Variants in SLC4A7 observed in about 807,000 individuals in gnomAD.
The protein encoded by SLC4A7 is solute carrier family 4 member 7.
In SLC4A7, 51 loss-of-function variants were observed where a neutral mutation model predicts 137.6. The observed-to-expected ratio is 0.37, with a 90% CI of 0.30 to 0.47. SLC4A7 has a LOEUF of 0.47. SLC4A7 is among the 20% of genes least tolerant of loss of function. The pLI, the probability that SLC4A7 is intolerant of heterozygous loss-of-function variation, is 1.00. For missense variants in SLC4A7, 1,247 were observed against 1,525.4 expected (o/e 0.82, Z 3.04); for synonymous variants, 542 against 518.6 (o/e 1.05, Z -0.61).
At chr3:27,473,477 G>A (rs954928848) in intron 1 of SLC4A7, among the ~76,000 whole-genome samples, 9 of 151,908 alleles carry the variant, frequency 5.9e-5, no homozygotes, top group Non-Finnish European at 1.2e-4. Flanking sequence ...CAGCACTTTG[G>A]GAGGTCAAGG....
chr3:27,478,552 T>G (rs2059570040), intron 1 of SLC4A7, among the ~76,000 whole-genome samples: 3 of 148,598 alleles, frequency 2.0e-5, no homozygotes, highest in Non-Finnish European at 4.5e-5. Context: ...TAAAGCATCC[T>G]CCCTATTTCA....
chr3:27,481,434 G>C (rs924612028), intron 1 of SLC4A7, among the ~76,000 whole-genome samples: 7 of 152,106 alleles, frequency 4.6e-5, no homozygotes, highest in African/African-American at 1.7e-4. Flanking sequence ...ATCTAAGATG[G>C]GATTTTATGA....
intron 11 of SLC4A7, among the ~76,000 whole-genome samples, chr3:27,417,477 G>A (rs1175482693): frequency 6.6e-6 from 1 of 152,166 alleles, no homozygotes; most frequent in Non-Finnish European, 1.5e-5. Flanking sequence ...TAAAAGGCCG[G>A]AAGCAGTGGC....
intron 1 of SLC4A7, among the ~76,000 whole-genome samples, chr3:27,475,065 G>A (rs1339442146): frequency 1.3e-5 from 2 of 151,960 alleles, no homozygotes; most frequent in East Asian, 3.9e-4. Flanking sequence ...AGCCGAGATT[G>A]CACCACTGCA....
chr3:27,424,183 A>T (rs747498377), intron 7 of SLC4A7, 31 bp from the exon 8 acceptor site: 1 of 1,189,702 alleles, frequency 8.4e-7, no homozygotes, highest in South Asian at 1.3e-5. Context: ...CAAATTAGTA[A>T]GGAGAAAATT....
At chr3:27,399,979 T>C (rs2052589438) in intron 16 of SLC4A7, among the ~76,000 whole-genome samples, 1 of 152,190 alleles carries the variant, frequency 6.6e-6, no homozygotes, top group African/African-American at 2.4e-5. Flanking sequence ...TTTCAGATAA[T>C]ATCCTTCAAA....
At chr3:27,431,251 G>A (rs1231422838) in intron 7 of SLC4A7, 47 bp downstream of exon 7, 1 of 1,517,594 alleles carries the variant, frequency 6.6e-7, no homozygotes, top group East Asian at 2.3e-5. Context: ...AAGTGCAAGT[G>A]ACTCAGAGGC....
chr3:27,378,206 G>C (rs1022934326), intron 25 of SLC4A7, among the ~76,000 whole-genome samples: 46 of 152,284 alleles, frequency 3.0e-4, no homozygotes, highest in Non-Finnish European at 6.5e-4. Flanking sequence ...AAAAACATAT[G>C]ATAGAGAGTA....
intron 6 of SLC4A7, chr3:27,433,034 A>G (rs945511694): frequency 7.9e-5 from 12 of 152,228 alleles, no homozygotes. Context: ...TGGAAGATAA[A>G]AAAGATGATT....
rs1287973926 is a variant in SLC4A7, at chr3:27,484,083, G to A, written c.44C>T (p.Thr15Ile). The change falls in exon 1 of 26, where the codon ACC becomes ATC. Residue 15 changes from threonine to isoleucine, a missense_variant. Around this residue, in one of 6 missense-constraint regions of SLC4A7, gnomAD observed 176 missense variants for 186.4 expected, o/e 0.94. Transcript: ENST00000454389. ...GAGEQMRPLL[T>I]RVTSRGPDEE... ...CGCCCTCACCCTGCTCGTTACCCGG[G>A]TGAGTAGCGGTCTCATCTGCTCGCC... 1.5e-5 allele frequency: 21 copies of A among 1,410,366 alleles called. No homozygotes were observed. The highest frequency in any genetic ancestry group is 1.9e-5 in the Non-Finnish European group (20 of 1,078,476). The allele number at this position is 1,410,366 out of a possible 1,614,324, so 87.4% of individuals were successfully genotyped here.
At chr3:27,407,110 CTTTT>C (rs11312328) in intron 13 of SLC4A7, among the ~76,000 whole-genome samples, 42 of 125,264 alleles carry the variant, frequency 3.4e-4, no homozygotes, top group Admixed American at 1.0e-3. Flanking sequence ...ATATGAAGAC[CTTTT>C]TTTTTTTTTT....
At chr3:27,452,760 AAT>A (rs562652524) in intron 1 of SLC4A7, among the ~76,000 whole-genome samples, 25 of 152,228 alleles carry the variant, frequency 1.6e-4, no homozygotes, top group Non-Finnish European at 2.5e-4. Flanking sequence ...AATAACTGGT[AAT>A]ATATTCATTT....
At chr3:27,380,122 CCT>C in intron 24 of SLC4A7, among the ~76,000 whole-genome samples, 2 of 152,198 alleles carry the variant, frequency 1.3e-5, no homozygotes, top group Middle Eastern at 6.8e-3. Context: ...GCCTGGCCAA[CCT>C]AGTGAAACCC....
At chr3:27,400,680 G>T in intron 16 of SLC4A7, 84 bp downstream of exon 16, 1 of 767,020 alleles carries the variant, frequency 1.3e-6, no homozygotes, top group Non-Finnish European at 2.1e-6. Flanking sequence ...CATCAATCAA[G>T]AGAAAATGGA....
chr3:27,407,932 G>T (rs186958637), intron 13 of SLC4A7, among the ~76,000 whole-genome samples: 10 of 152,030 alleles, frequency 6.6e-5, no homozygotes, highest in Admixed American at 2.0e-4. Flanking sequence ...CTCTGGGACC[G>T]TATCTCCTAA....
rs2049848726 is a variant in SLC4A7 at position 27,375,604 on chromosome 3, T to A, written c.*1160A>T. 1.3e-5 allele frequency: 2 copies of A among 152,422 alleles called. No individual in the cohort carries two copies. Among genetic ancestry groups the A allele is most frequent in the African/African-American group, 4.8e-5 (2 of 41,428 alleles). 9.4% of individuals were successfully genotyped at this position (152,422 alleles called of 1,614,324 possible). A position where few individuals can be genotyped will look rare whatever the true frequency, so the allele number is the denominator to read the frequency against. ...AAGATGTAAAATCTATCAATTGCTT[T>A]AAGATAATAAACATAAATGAAAGTA... On this transcript the variant is annotated 3_prime_UTR_variant, in exon 26 of 26. Coordinates refer to ENST00000454389, the MANE Select transcript of SLC4A7 (RefSeq NM_001321103.2).
intron 20 of SLC4A7, among the ~76,000 whole-genome samples, chr3:27,393,270 AG>A (rs1167594383): frequency 3.0e-4 from 45 of 152,218 alleles, no homozygotes; most frequent in African/African-American, 1.0e-3. Context: ...AAGAGGGAAA[AG>A]GTCTCCATAA....
chr3:27,451,847 G>C (rs2058092170), intron 2 of SLC4A7, among the ~76,000 whole-genome samples: 2 of 152,134 alleles, frequency 1.3e-5, no homozygotes, highest in African/African-American at 4.8e-5. Flanking sequence ...TTAACATTAG[G>C]AGAAACTGGG....
chr3:27,424,967 C>T (rs2055401238), intron 7 of SLC4A7, among the ~76,000 whole-genome samples: 1 of 152,160 alleles, frequency 6.6e-6, no homozygotes, highest in African/African-American at 2.4e-5. Context: ...ATATTCATTT[C>T]AAAAGTGACA....
Sources: allele counts gnomAD v4.1 joint callset (sites outside exome capture counted in the v4.1 genomes callset), GRCh38; gene constraint gnomAD v4.1.1; regional missense constraint gnomAD v4.1.1; transcripts MANE v1.5; gene names NCBI Gene and HGNC (gene_info 2026-07-23, HGNC 2026-07-21).